SORBS3: variants seen among roughly 807,000 people sequenced by gnomAD.
SORBS3 encodes the protein sorbin and SH3 domain containing 3, also known as vinexin.
SORBS3 carries 69 observed loss-of-function variants against 98.0 expected under a neutral mutation model. The observed-to-expected ratio is 0.70, with a 90% CI of 0.58 to 0.86. SORBS3 has a LOEUF of 0.86. Among genes scored for constraint, SORBS3 ranks in the 40% least tolerant of loss-of-function variants. The pLI is 0.00. For missense variants in SORBS3, 954 were observed against 908.5 expected (o/e 1.05, Z -0.64); for synonymous variants, 394 against 355.4 (o/e 1.11, Z -1.22).
chr8:22,547,271 C>T (rs547740244), upstream of SORBS3, among the ~76,000 whole-genome samples: 5 of 151,368 alleles, frequency 3.3e-5, no homozygotes, highest in African/African-American at 1.2e-4. Flanking sequence ...ACCTGTTGCT[C>T]CATCTAGATC....
rs989899914 is a variant in SORBS3, at chr8:22,575,150, C to T, written c.*422C>T. ...CCTCGTAGAGACCAAAGGCCGCCCCCGCCTGCTGGGGTTCCTCCCAGCACC... is the reference window on the plus strand; with the variant it reads ...CCTCGTAGAGACCAAAGGCCGCCCCTGCCTGCTGGGGTTCCTCCCAGCACC... On this transcript the variant is annotated 3_prime_UTR_variant, in exon 21 of 21. Coordinates refer to ENST00000240123, the MANE Select transcript of SORBS3 (RefSeq NM_005775.5). The T allele has an allele frequency of 3.1e-6, 1 of 326,956 alleles. No homozygotes were observed. Among genetic ancestry groups the T allele is most frequent in the South Asian group, 2.3e-5 (1 of 42,672 alleles). The allele number at this position is 326,956 out of a possible 1,614,324, so 20.3% of individuals were successfully genotyped here. A position where few individuals can be genotyped will look rare whatever the true frequency, so the allele number is the denominator to read the frequency against.
At chr8:22,560,870 T>TGTGC (rs765033820) in intron 5 of SORBS3, 1 of 83,688 alleles carries the variant, frequency 1.2e-5, no homozygotes, top group Non-Finnish European at 2.3e-5. Context: ...TGTGTGTGTG[T>TGTGC]GTGCGCGCGC....
chr8:22,554,278 C>T lies in SORBS3; in HGVS notation c.-55-174C>T. 3 of 542,516 alleles carry T rather than the reference C, an allele frequency of 5.5e-6. No individual in the cohort carries two copies. Among genetic ancestry groups the T allele is most frequent in the Non-Finnish European group, 9.1e-6 (3 of 329,140 alleles). 33.6% of individuals were successfully genotyped at this position (542,516 alleles called of 1,614,324 possible). A position where few individuals can be genotyped will look rare whatever the true frequency, so the allele number is the denominator to read the frequency against. ...GCCCCTGGGAGCCGGCAGGCACGGG[C>T]AGCCTGCAGGCGGGTGCCTGGCGTG... On this transcript the variant is annotated intron_variant, in intron 1 of 20. Coordinates refer to ENST00000240123, the MANE Select transcript of SORBS3 (RefSeq NM_005775.5). The surrounding 1 kb of genome is among the most constrained non-coding windows in gnomAD (Gnocchi z 6.5).
chr8:22,552,619 C>T (rs1168509891), intron 1 of SORBS3, among the ~76,000 whole-genome samples: 1 of 152,174 alleles, frequency 6.6e-6, no homozygotes, highest in African/African-American at 2.4e-5. Context: ...CTGCCCTACC[C>T]ATCCTCCAAG....
chr8:22,564,762 G>C, intron 10 of SORBS3: 10 of 1,400,272 alleles, frequency 7.1e-6, no homozygotes, highest in Non-Finnish European at 9.3e-6. Context: ...TGGTCAGTGC[G>C]CACTGGGATT....
At chr8:22,571,400 G>A (rs949622251) in intron 18 of SORBS3, among the ~76,000 whole-genome samples, 179 bp downstream of exon 18, 2 of 152,098 alleles carry the variant, frequency 1.3e-5, no homozygotes, top group African/African-American at 4.8e-5. Flanking sequence ...AACCTACCGA[G>A]CTCTAGCCGA....
chr8:22,565,716 C>A, intron 11 of SORBS3, 110 bp from the exon 12 acceptor site: 1 of 1,233,586 alleles, frequency 8.1e-7, no homozygotes, highest in Non-Finnish European at 1.0e-6. Context: ...GACCCCGCGT[C>A]CCGCCCGCTC....
upstream of SORBS3, among the ~76,000 whole-genome samples, chr8:22,550,503 C>T (rs1465121825): frequency 4.6e-5 from 7 of 152,336 alleles, no homozygotes; most frequent in African/African-American, 1.7e-4. Context: ...CGCTAGAGGC[C>T]AGCAGGCCTA....
upstream of SORBS3, chr8:22,551,662 C>G: frequency 1.1e-6 from 1 of 910,826 alleles, no homozygotes. The surrounding 1 kb of genome is among the most constrained non-coding windows in gnomAD (Gnocchi z 5.8). Context: ...CCCCGCCGGC[C>G]AGGCCTCCTC....
Position 22,564,420 on chromosome 8 carries a change from T to C in SORBS3, c.763-48T>C, listed in dbSNP as rs754506351. 1.9e-6 allele frequency: 3 copies of C among 1,613,772 alleles called. No homozygotes were observed. The South Asian group carries it at 3.3e-5, about 18-fold the overall frequency. On this transcript the variant is annotated intron_variant, in intron 9 of 20. Transcript: ENST00000240123. ...GTGCACGCACCCTCAGCTGATACAT[T>C]TTGGAAAGTGAGTTCACCTGCTCTG... is the stretch of plus-strand genomic sequence containing the variant.
chr8:22,566,032 G>A (rs767125582), intron 12 of SORBS3, 160 bp downstream of exon 12: 153 of 588,438 alleles, frequency 2.6e-4, no homozygotes, highest in Non-Finnish European at 3.2e-4. Flanking sequence ...GCCACTCTCT[G>A]CGGGGCGCCG....
At chr8:22,556,040 C>T (rs1840176745) in intron 3 of SORBS3, among the ~76,000 whole-genome samples, 1 of 152,196 alleles carries the variant, frequency 6.6e-6, no homozygotes, top group Non-Finnish European at 1.5e-5. Flanking sequence ...AGATGTTCAG[C>T]CATAGAGGCT....
chr8:22,552,171 C>A (rs1366334042), intron 1 of SORBS3, 149 bp downstream of exon 1: 2 of 714,916 alleles, frequency 2.8e-6, no homozygotes, highest in Non-Finnish European at 1.7e-6. Flanking sequence ...CCAGAAAAAG[C>A]GAAATTCAAG....
upstream of SORBS3, among the ~76,000 whole-genome samples, chr8:22,548,987 G>A (rs1840045374): frequency 6.6e-6 from 1 of 152,198 alleles, no homozygotes; most frequent in African/African-American, 2.4e-5. Flanking sequence ...CAGGGGGGTG[G>A]GGGTTGTGGA....
rs578029140 is a variant in SORBS3, at chr8:22,555,703, T to G, written c.220+723T>G. Among the ~76,000 whole-genome samples, 124 of 152,134 alleles carry G rather than the reference T, an allele frequency of 8.2e-4. 1 individual carries two copies. The highest frequency in any genetic ancestry group is 2.9e-3 in the African/African-American group (119 of 41,508). On this transcript the variant is annotated intron_variant, in intron 3 of 20. Transcript: ENST00000240123. Reference sequence around the variant, plus strand: ...CCATCTCTAATAAAAATACAAAAATTTGCTGGGTGTGGTGGCGGGTGCCTG... The same window carrying G: ...CCATCTCTAATAAAAATACAAAAATGTGCTGGGTGTGGTGGCGGGTGCCTG...
upstream of SORBS3, among the ~76,000 whole-genome samples, chr8:22,549,296 G>A (rs1379751001): frequency 6.6e-6 from 1 of 152,186 alleles, no homozygotes; most frequent in Non-Finnish European, 1.5e-5. Context: ...AATCTGTTCT[G>A]TTGTTGACAG....
Position 22,564,267 on chromosome 8 carries a change from A to C in SORBS3, c.676-16A>C. 6.4e-7 allele frequency: 1 copy of C among 1,572,276 alleles called. No individual in the cohort carries two copies. Among genetic ancestry groups the C allele is most frequent in the South Asian group, 1.1e-5 (1 of 87,480 alleles). On this transcript the variant is annotated splice_polypyrimidine_tract_variant and intron_variant, in intron 8 of 20. Transcript: ENST00000240123. ...TAGCCCTCTTCACAAGCTGACACCCACCCACCTCCACGCAGGTGCTCAGAC... is the reference window on the plus strand; with the variant it reads ...TAGCCCTCTTCACAAGCTGACACCCCCCCACCTCCACGCAGGTGCTCAGAC...
chr8:22,551,445 C>G (rs1840079531), upstream of SORBS3, among the ~76,000 whole-genome samples: 1 of 152,074 alleles, frequency 6.6e-6, no homozygotes, highest in African/African-American at 2.4e-5. The surrounding 1 kb of genome is among the most constrained non-coding windows in gnomAD (Gnocchi z 5.8). Context: ...TGGCTCCGCC[C>G]GGTTCATCGC....
chr8:22,565,220 C>A, intron 10 of SORBS3, 48 bp from the exon 11 acceptor site: 1 of 1,500,054 alleles, frequency 6.7e-7, no homozygotes, highest in Non-Finnish European at 9.1e-7. Flanking sequence ...CTGCCTCCCA[C>A]CCCCACGGTG....
Sources: allele counts gnomAD v4.1 joint callset (sites outside exome capture counted in the v4.1 genomes callset), GRCh38; gene constraint gnomAD v4.1.1; non-coding constraint Gnocchi (gnomAD v3.1); transcripts MANE v1.5; gene names NCBI Gene and HGNC (gene_info 2026-07-23, HGNC 2026-07-21).